Variants in ERGIC1 observed in about 807,000 individuals in gnomAD.
The protein encoded by ERGIC1 is endoplasmic reticulum-golgi intermediate compartment 1.
ERGIC1 carries 19 observed loss-of-function variants against 38.3 expected under a neutral mutation model. That is an observed-to-expected ratio of 0.50 (90% CI 0.35 to 0.73). The LOEUF is 0.73. Ranked by LOEUF, ERGIC1 falls within the 30% of genes least tolerant of loss-of-function variation. ERGIC1 has a pLI of 0.01. For synonymous variants in ERGIC1, 124 were observed against 157.6 expected (o/e 0.79, Z 1.60); for missense variants, 294 against 389.2 (o/e 0.76, Z 2.06).
At chr5:172,935,383 C>T (rs1561743071) in intron 9 of ERGIC1, 73 bp downstream of exon 9, 1 of 1,598,000 alleles carries the variant, frequency 6.3e-7, no homozygotes, top group Non-Finnish European at 8.6e-7. Context: ...CTTTCCTTGG[C>T]ACCCCTCACC....
intron 9 of ERGIC1, among the ~76,000 whole-genome samples, chr5:172,947,191 A>AG (rs976620840): frequency 6.6e-6 from 1 of 151,908 alleles, no homozygotes; most frequent in Non-Finnish European, 1.5e-5. Context: ...CTCAAAAAAA[A>AG]AAAAAAAAAG....
chr5:172,901,244 G>A (rs1762868199), intron 3 of ERGIC1, among the ~76,000 whole-genome samples: 1 of 152,224 alleles, frequency 6.6e-6, no homozygotes, highest in Non-Finnish European at 1.5e-5. Context: ...GGCCTGGTGG[G>A]GGGTGAGGGG....
intron 5 of ERGIC1, among the ~76,000 whole-genome samples, chr5:172,919,822 A>T (rs1340741801): frequency 2.0e-5 from 3 of 152,196 alleles, no homozygotes; most frequent in Non-Finnish European, 4.4e-5. Context: ...GGCGTCCAAG[A>T]AATGGGCCTT....
At chr5:172,903,991 T>TCACAC (rs1561727208) in intron 3 of ERGIC1, among the ~76,000 whole-genome samples, 63 of 95,150 alleles carry the variant, frequency 6.6e-4, no homozygotes, top group African/African-American at 2.1e-3. Flanking sequence ...ACACACACAT[T>TCACAC]GACTCACACT....
chr5:172,902,285 C>G (rs541496067), intron 3 of ERGIC1, among the ~76,000 whole-genome samples: 1 of 152,086 alleles, frequency 6.6e-6, no homozygotes, highest in African/African-American at 2.4e-5. Context: ...ACAGGCTCCC[C>G]GTAGGAGGCC....
Position 172,888,744 on chromosome 5 carries a change from G to C in ERGIC1, c.66G>C (p.Thr22=), listed in dbSNP as rs760955420. The part of the protein sequence containing the change: ...RKVPKDLTQP[T]YTGAIISICC... ...TGCCCAAGGACCTTACGCAGCCAACGTACACCGGGGCCATTAGTGAGTAGC... is the reference window on the plus strand; with the variant it reads ...TGCCCAAGGACCTTACGCAGCCAACCTACACCGGGGCCATTAGTGAGTAGC... The change falls in exon 2 of 10, where the codon ACG becomes ACC. Residue 22 remains threonine (T), a synonymous_variant. Coordinates refer to ENST00000393784, the MANE Select transcript of ERGIC1 (RefSeq NM_001031711.3). The C allele has an allele frequency of 2.5e-6, 4 of 1,614,112 alleles. No homozygotes were observed. The highest frequency in any genetic ancestry group is 3.4e-6 in the Non-Finnish European group (4 of 1,180,006).
chr5:172,923,646 C>T (rs1003147279), intron 5 of ERGIC1, among the ~76,000 whole-genome samples: 1 of 152,180 alleles, frequency 6.6e-6, no homozygotes, highest in African/African-American at 2.4e-5. Flanking sequence ...GCTCAAAGGT[C>T]ATCCCCCAGC....
intron 2 of ERGIC1, 37 bp from the exon 3 acceptor site, chr5:172,896,965 C>A (rs1291537973): frequency 6.2e-7 from 1 of 1,604,142 alleles, no homozygotes; most frequent in Non-Finnish European, 8.5e-7. Context: ...CAGTGCCCAC[C>A]ACCCTTAACA....
intron 1 of ERGIC1, among the ~76,000 whole-genome samples, chr5:172,887,027 G>A (rs1334460835): frequency 6.6e-6 from 1 of 152,176 alleles, no homozygotes; most frequent in Admixed American, 6.5e-5. Flanking sequence ...AGAGAAAGTG[G>A]TACCTTTGAA....
At chr5:172,841,576 C>T (rs1761162764) in intron 1 of ERGIC1, among the ~76,000 whole-genome samples, 1 of 152,224 alleles carries the variant, frequency 6.6e-6, no homozygotes, top group Admixed American at 6.5e-5. Flanking sequence ...GCTGTAATTA[C>T]AGTTAGTAAA....
chr5:172,935,147 GAC>G (rs1763860787), intron 8 of ERGIC1, 39 bp from the exon 9 acceptor site: 4 of 1,613,482 alleles, frequency 2.5e-6, no homozygotes, highest in East Asian at 2.2e-5. Context: ...CCCCCCCTGA[GAC>G]ACAGTTTGTA....
At chr5:172,848,081 G>A (rs556933576) in intron 1 of ERGIC1, among the ~76,000 whole-genome samples, 4 of 152,334 alleles carry the variant, frequency 2.6e-5, no homozygotes, top group South Asian at 2.1e-4. Flanking sequence ...AGGCTTTCTC[G>A]TTGATATTCT....
intron 1 of ERGIC1, among the ~76,000 whole-genome samples, chr5:172,843,830 T>C (rs1267294678): frequency 6.6e-6 from 1 of 152,264 alleles, no homozygotes; most frequent in Non-Finnish European, 1.5e-5. Context: ...CAAGACACTT[T>C]GCCTCTGCAA....
intron 1 of ERGIC1, among the ~76,000 whole-genome samples, chr5:172,840,608 G>C (rs981510085): frequency 6.6e-6 from 1 of 152,144 alleles, no homozygotes; most frequent in Non-Finnish European, 1.5e-5. Context: ...GCCTTGCCTC[G>C]GGAGGCTGGG....
intron 1 of ERGIC1, among the ~76,000 whole-genome samples, chr5:172,838,141 C>T (rs373912691): frequency 9.2e-5 from 14 of 152,366 alleles, no homozygotes; most frequent in Non-Finnish European, 4.4e-5. Flanking sequence ...ATGTAAACTT[C>T]GCTGCCTCAC....
intron 1 of ERGIC1, among the ~76,000 whole-genome samples, chr5:172,861,811 A>G (rs1227278097): frequency 1.3e-5 from 2 of 152,156 alleles, no homozygotes; most frequent in Admixed American, 6.5e-5. Context: ...TTGGTGGGGC[A>G]GAATAAGGTA....
chr5:172,875,466 A>G (rs1183382376), intron 1 of ERGIC1, among the ~76,000 whole-genome samples: 2 of 151,790 alleles, frequency 1.3e-5, no homozygotes, highest in African/African-American at 4.8e-5. Context: ...CTACCCCCCC[A>G]GCAGGCTTCT....
chr5:172,877,410 A>ATGTGTGTGTGTGTGTG (rs34909688), intron 1 of ERGIC1, among the ~76,000 whole-genome samples: 96 of 102,334 alleles, frequency 9.4e-4, no homozygotes, highest in African/African-American at 3.5e-3. Flanking sequence ...TATTATATAT[A>ATGTGTGTGTGTGTGTG]TGTGTGTGTG....
chr5:172,855,482 C>T (rs1761523781), intron 1 of ERGIC1, among the ~76,000 whole-genome samples: 1 of 152,190 alleles, frequency 6.6e-6, no homozygotes. Context: ...CCTGGCTGAC[C>T]CCACAGACAT....
Sources: allele counts gnomAD v4.1 joint callset (sites outside exome capture counted in the v4.1 genomes callset), GRCh38; gene constraint gnomAD v4.1.1; transcripts MANE v1.5; gene names NCBI Gene and HGNC (gene_info 2026-07-23, HGNC 2026-07-21).